Variants in PCDH15 observed in about 807,000 individuals in gnomAD.
PCDH15 encodes the protein protocadherin-15.
A neutral mutation model predicts 178.5 loss-of-function variants in PCDH15; 129 were observed. The ratio of observed to expected loss-of-function variants is 0.72; its 90% CI spans 0.63 to 0.84. The LOEUF is 0.84. Among genes scored for constraint, PCDH15 ranks in the 40% least tolerant of loss-of-function variants. PCDH15 has a pLI of 0.00. For synonymous variants in PCDH15, 800 were observed against 732.0 expected (o/e 1.09, Z -1.50); for missense variants, 2,230 against 2,099.9 (o/e 1.06, Z -1.21).
At chr10:54,664,500 T>A (rs1054351451) in intron 1 of PCDH15, among the ~76,000 whole-genome samples, 2 of 152,038 alleles carry the variant, frequency 1.3e-5, no homozygotes, top group Non-Finnish European at 2.9e-5. Flanking sequence ...AGGAAAGACA[T>A]CTTTTCTGTT....
intron 20 of PCDH15, among the ~76,000 whole-genome samples, chr10:53,997,885 ACATAC>A (rs1424896177): frequency 6.6e-6 from 1 of 152,218 alleles, no homozygotes; most frequent in Non-Finnish European, 1.5e-5. Flanking sequence ...GGCACGTTGT[ACATAC>A]TTTGGGGTTA....
At chr10:55,522,870 A>G (rs1057181244) in intron 2 of PCDH15, among the ~76,000 whole-genome samples, 1 of 150,966 alleles carries the variant, frequency 6.6e-6, no homozygotes, top group Non-Finnish European at 1.5e-5. Flanking sequence ...ACTGATTTGT[A>G]GTTTCTTTGT....
chr10:54,519,303 T>C (rs1221596053), intron 3 of PCDH15, among the ~76,000 whole-genome samples: 2 of 151,902 alleles, frequency 1.3e-5, no homozygotes, highest in African/African-American at 2.4e-5. Context: ...GATTGTATAT[T>C]TAGAAAACCC....
intron 17 of PCDH15, among the ~76,000 whole-genome samples, chr10:54,067,425 G>A (rs765073213): frequency 2.6e-5 from 4 of 152,154 alleles, no homozygotes; most frequent in Non-Finnish European, 4.4e-5. Context: ...TACTAGGCAT[G>A]AAATGATTAT....
chr10:53,967,626 T>C (rs1247578730), intron 21 of PCDH15, among the ~76,000 whole-genome samples: 1 of 152,182 alleles, frequency 6.6e-6, no homozygotes, highest in Non-Finnish European at 1.5e-5. Context: ...GTATTAGGAA[T>C]AGACAGAAGT....
At chr10:54,408,794 C>A (rs536896146) in intron 3 of PCDH15, among the ~76,000 whole-genome samples, 7 of 152,084 alleles carry the variant, frequency 4.6e-5, no homozygotes. Flanking sequence ...AGTTACAAAT[C>A]GGGGTGGAAG....
intron 1 of PCDH15, among the ~76,000 whole-genome samples, chr10:54,697,681 G>GGGA (rs763037369): frequency 1.0e-5 from 1 of 97,586 alleles, no homozygotes; most frequent in Non-Finnish European, 2.0e-5. Context: ...AAGGGGAAGG[G>GGGA]AGGAAGGGAG....
intron 3 of PCDH15, among the ~76,000 whole-genome samples, chr10:54,813,167 A>G (rs1952893345): frequency 6.6e-6 from 1 of 151,236 alleles, no homozygotes; most frequent in Admixed American, 6.6e-5. Context: ...CCCCTTTTCT[A>G]TCTTTTCTCA....
At chr10:55,606,916 G>A (rs1487499927) in intron 2 of PCDH15, among the ~76,000 whole-genome samples, 1 of 147,258 alleles carries the variant, frequency 6.8e-6, no homozygotes, top group Non-Finnish European at 1.5e-5. Context: ...TTAAACTAAA[G>A]AGCTTCTGCA....
intron 2 of PCDH15, among the ~76,000 whole-genome samples, chr10:55,395,192 T>TGAGAGA (rs1837892851): frequency 1.1e-5 from 1 of 89,064 alleles, no homozygotes; most frequent in African/African-American, 5.0e-5. Context: ...TGTGTGTGTG[T>TGAGAGA]GTGTGAGAGA....
intron 2 of PCDH15, among the ~76,000 whole-genome samples, chr10:54,560,615 T>G (rs534383725): frequency 6.6e-6 from 1 of 152,204 alleles, no homozygotes; most frequent in African/African-American, 2.4e-5. Context: ...TGTACATATT[T>G]AATTTTTCAA....
chr10:54,177,116 T>C (rs758599223), intron 13 of PCDH15, among the ~76,000 whole-genome samples: 34 of 152,274 alleles, frequency 2.2e-4, no homozygotes, highest in Non-Finnish European at 4.3e-4. Context: ...TGGGCTATTA[T>C]GTCATGAAAA....
chr10:54,320,770 A>C (rs984283945), intron 7 of PCDH15, among the ~76,000 whole-genome samples: 1 of 151,968 alleles, frequency 6.6e-6, no homozygotes, highest in African/African-American at 2.4e-5. Flanking sequence ...GGTCTTAAAA[A>C]AATGATGAGG....
rs561718759 is a variant in PCDH15 at position 54,213,542 on chromosome 10, T to C, written c.1098+394A>G. ...TTAGAATACAATTAAGTAATAAAAA[T>C]GAAAACAAAATTAAAACAACATATA... is the stretch of plus-strand genomic sequence containing the variant. On this transcript the variant is annotated intron_variant, in intron 10 of 37. Transcript: ENST00000644397. Among the ~76,000 whole-genome samples, 3 of 152,196 alleles carry C rather than the reference T, an allele frequency of 2.0e-5. No homozygotes were observed. In the South Asian group the frequency reaches 6.2e-4, roughly 32 times the overall value.
chr10:54,920,049 A>C (rs1837445163), intron 2 of PCDH15, among the ~76,000 whole-genome samples: 1 of 152,194 alleles, frequency 6.6e-6, no homozygotes, highest in African/African-American at 2.4e-5. Context: ...CTAATACATG[A>C]TTAATAATGA....
At chr10:53,882,841 G>T (rs1423413246) in intron 26 of PCDH15, among the ~76,000 whole-genome samples, 2 of 152,080 alleles carry the variant, frequency 1.3e-5, no homozygotes, top group Admixed American at 1.3e-4. Context: ...GTGTAAAGAT[G>T]AAAAATTGTA....
At chr10:54,122,002 T>TACACACACAC (rs57135050) in intron 15 of PCDH15, among the ~76,000 whole-genome samples, 54 of 146,516 alleles carry the variant, frequency 3.7e-4, no homozygotes, top group African/African-American at 1.4e-3. Context: ...CAAAGACACA[T>TACACACACAC]ACACACACAC....
chr10:54,999,687 C>T (rs766467382), intron 2 of PCDH15, among the ~76,000 whole-genome samples: 2 of 152,152 alleles, frequency 1.3e-5, no homozygotes, highest in African/African-American at 2.4e-5. Context: ...CGCCACAGTA[C>T]TGGGTTGAGC....
At chr10:54,020,476 A>C (rs1240739519) in intron 19 of PCDH15, 60 bp from the exon 20 acceptor site, 7 of 1,500,986 alleles carry the variant, frequency 4.7e-6, no homozygotes, top group South Asian at 1.1e-5. Flanking sequence ...AAATGCAGGA[A>C]GGATGGAAGT....
Sources: gnomAD v4.1 joint callset for allele counts (sites outside exome capture counted in the v4.1 genomes callset) on GRCh38, gnomAD v4.1.1 for gene constraint, MANE v1.5 for transcripts, NCBI Gene and HGNC (gene_info 2026-07-23, HGNC 2026-07-21) for gene names.